Variants in SETD9 observed in about 807,000 individuals in gnomAD.
SETD9 encodes SET domain containing 9.
A neutral mutation model predicts 36.4 loss-of-function variants in SETD9; 37 were observed. The ratio of observed to expected loss-of-function variants is 1.02; its 90% CI spans 0.78 to 1.34. The LOEUF (loss-of-function observed/expected upper bound fraction) is 1.34, where lower values mean the gene tolerates loss of function less well. Ranked by LOEUF, SETD9 falls within the 40% of genes most tolerant of loss-of-function variation. SETD9 has a pLI of 0.00. For synonymous variants in SETD9, 128 were observed against 132.9 expected (o/e 0.96, Z 0.26); for missense variants, 323 against 353.2 (o/e 0.91, Z 0.69).
intron 5 of SETD9, chr5:56,923,444 C>G: frequency 6.2e-7 from 1 of 1,614,190 alleles, no homozygotes; most frequent in East Asian, 2.2e-5. Flanking sequence ...TTCCCCATTG[C>G]TGGGCAGGGT....
chr5:56,914,496 T>C (rs1749322447), intron 4 of SETD9, among the ~76,000 whole-genome samples: 1 of 152,118 alleles, frequency 6.6e-6, no homozygotes, highest in African/African-American at 2.4e-5. Context: ...ACCTTTAACA[T>C]TTCTGAGCCT....
At chr5:56,925,650 C>T, downstream of SETD9, 1 of 174,836 alleles carries the variant, frequency 5.7e-6, no homozygotes, top group South Asian at 1.2e-4. Context: ...GATAAGAAGA[C>T]ACTTCATTGT....
chr5:56,928,890 G>C, downstream of SETD9: 1 of 1,540,532 alleles, frequency 6.5e-7, no homozygotes, highest in South Asian at 1.2e-5. Flanking sequence ...TAAAATTTAT[G>C]GGCCCCCAAA....
chr5:56,927,412 G>A (rs992033883), downstream of SETD9, among the ~76,000 whole-genome samples: 1 of 152,004 alleles, frequency 6.6e-6, no homozygotes. Flanking sequence ...AAAAACTAAA[G>A]TCCATTAGCT....
chr5:56,923,472 C>A (rs1379405610), intron 5 of SETD9: 1 of 1,614,170 alleles, frequency 6.2e-7, no homozygotes, highest in East Asian at 2.2e-5. Context: ...TCTTCTGTTA[C>A]AACAGGCACA....
rs1579819067 is a variant in SETD9 at position 56,917,017 on chromosome 5, A to G, written c.*115A>G. The G allele has an allele frequency of 2.9e-6, 4 of 1,366,142 alleles. No homozygotes were observed. Among genetic ancestry groups the G allele is most frequent in the Non-Finnish European group, 2.8e-6 (3 of 1,063,798 alleles). The allele number at this position is 1,366,142 out of a possible 1,614,324, so 84.6% of individuals were successfully genotyped here. ...ACAAATATTTTGAGACTTAATTGGAATAGGAATTTCTTATGTTTTTGTTGA... is the reference window on the plus strand; with the variant it reads ...ACAAATATTTTGAGACTTAATTGGAGTAGGAATTTCTTATGTTTTTGTTGA... On this transcript the variant is annotated 3_prime_UTR_variant, in exon 6 of 6. Transcript: ENST00000285947.
chr5:56,914,194 A>G lies in SETD9; in HGVS notation c.706+205A>G, dbSNP rs149308696. Among the ~76,000 whole-genome samples, 401 of 152,144 alleles carry G rather than the reference A, an allele frequency of 2.6e-3. 1 individual carries two copies. Among genetic ancestry groups the G allele is most frequent in the African/African-American group, 9.0e-3 (373 of 41,508 alleles). On this transcript the variant is annotated intron_variant, in intron 4 of 5. Transcript: ENST00000285947. ...ATTATTTAGAATTGTTTAATTTACTATTTTTCTTCTGATTTTGCAGTGAAT... is the reference window on the plus strand; with the variant it reads ...ATTATTTAGAATTGTTTAATTTACTGTTTTTCTTCTGATTTTGCAGTGAAT...
chr5:56,909,857 G>T, intron 1 of SETD9, 114 bp downstream of exon 1: 3 of 910,482 alleles, frequency 3.3e-6, no homozygotes, highest in Non-Finnish European at 4.9e-6. Flanking sequence ...TGAGATGGGC[G>T]GGCCCGGGTG....
chr5:56,916,725 G>C, intron 5 of SETD9, 90 bp from the exon 6 acceptor site: 1 of 1,360,798 alleles, frequency 7.3e-7, no homozygotes, highest in Non-Finnish European at 9.9e-7. Flanking sequence ...CCTGAGTAAA[G>C]TTACCTCTAT....
Position 56,911,191 on chromosome 5 carries a change from G to C in SETD9, c.121G>C (p.Glu41Gln), listed in dbSNP as rs1280442406. 19 of 1,565,046 alleles carry C rather than the reference G, an allele frequency of 1.2e-5. No homozygotes were observed. Among genetic ancestry groups the C allele is most frequent in the Non-Finnish European group, 1.4e-5 (16 of 1,160,112 alleles). The part of the protein sequence containing the change: ...NPRTLRYVPE[E>Q]SKDKVISDED... ...CAGGACCCTCCGATATGTTCCAGAG[G>C]AATCCAAAGACAAAGTTATCTCAGA... is the stretch of plus-strand genomic sequence containing the variant. The change falls in exon 2 of 6, where the codon GAA (glutamate) becomes CAA (glutamine). Residue 41 changes from glutamate to glutamine, a missense_variant. Transcript: ENST00000285947.
At chr5:56,910,122 T>A (rs940829100) in intron 1 of SETD9, 3 of 1,237,806 alleles carry the variant, frequency 2.4e-6, no homozygotes, top group Non-Finnish European at 3.1e-6. Context: ...CGGCACTGAC[T>A]GGGGAGCTTG....
chr5:56,925,469 C>A, exon 6 of SETD9: 4 of 293,510 alleles, frequency 1.4e-5, no homozygotes, highest in South Asian at 8.9e-5. Context: ...ACAGCAATGA[C>A]GATTGAAATT....
intron 1 of SETD9, chr5:56,910,698 T>C (rs982160872): frequency 2.3e-5 from 5 of 219,272 alleles, no homozygotes; most frequent in Admixed American, 5.3e-5. Flanking sequence ...TGTCACAAAG[T>C]ATACGATGTT....
intron 1 of SETD9, chr5:56,910,430 GA>G: frequency 7.7e-7 from 1 of 1,300,648 alleles, no homozygotes; most frequent in Non-Finnish European, 1.0e-6. Flanking sequence ...GCGCACCAGT[GA>G]TCAGCTCAAC....
intron 2 of SETD9, 86 bp downstream of exon 2, chr5:56,911,622 C>T: frequency 7.3e-7 from 1 of 1,362,946 alleles, no homozygotes; most frequent in Non-Finnish European, 9.6e-7. Context: ...CCTTGCAATC[C>T]TTAGAGTAAG....
In SETD9 at chr5:56,916,966, T is replaced by C. The variant is rs1749463937; in HGVS notation, c.*64T>C. On this transcript the variant is annotated 3_prime_UTR_variant, in exon 6 of 6. Coordinates refer to ENST00000285947, the MANE Select transcript of SETD9 (RefSeq NM_153706.4). ...ATTAATTCTAAGTGTTTTTTGTTAA[T>C]CACTTCTCTGAGTTCTACCTGTAAA... is the stretch of plus-strand genomic sequence containing the variant. The C allele has an allele frequency of 4.6e-6, 7 of 1,518,228 alleles. No homozygotes were observed. The highest frequency in any genetic ancestry group is 1.4e-5 in the African/African-American group (1 of 70,540). 94.0% of individuals were successfully genotyped at this position (1,518,228 alleles called of 1,614,324 possible).
downstream of SETD9, among the ~76,000 whole-genome samples, chr5:56,926,230 A>C (rs1022012237): frequency 6.6e-6 from 1 of 151,900 alleles, no homozygotes; most frequent in Non-Finnish European, 1.5e-5. Flanking sequence ...GAACAATCAG[A>C]TGAAATTCTA....
At chr5:56,918,457 G>GT (rs141712114), downstream of SETD9, among the ~76,000 whole-genome samples, 1,892 of 152,202 alleles carry the variant, frequency 0.012, 34 homozygotes, top group African/African-American at 0.043. Flanking sequence ...CTCAAAAAGC[G>GT]TACCATAGAT....
intron 5 of SETD9, 73 bp downstream of exon 5, chr5:56,915,039 T>C: frequency 8.6e-7 from 1 of 1,158,678 alleles, no homozygotes. Context: ...GAAAAAGCTA[T>C]GTAGAATTTG....
Sources: allele counts gnomAD v4.1 joint callset (sites outside exome capture counted in the v4.1 genomes callset), GRCh38; gene constraint gnomAD v4.1.1; transcripts MANE v1.5; gene names NCBI Gene and HGNC (gene_info 2026-07-23, HGNC 2026-07-21).